MLIP: variants seen among roughly 807,000 people sequenced by gnomAD.
MLIP encodes the protein muscular LMNA interacting protein.
MLIP carries 79 observed loss-of-function variants against 84.8 expected under a neutral mutation model. The observed-to-expected ratio is 0.93, with a 90% CI of 0.78 to 1.12. The LOEUF (loss-of-function observed/expected upper bound fraction) is 1.12, where lower values mean the gene tolerates loss of function less well. Ranked by LOEUF, MLIP falls within the 50% of genes most tolerant of loss-of-function variation. The pLI is 0.00. For synonymous variants in MLIP, 504 were observed against 463.0 expected, an observed-to-expected ratio of 1.09 and a Z score of -1.14; for missense variants, 1,257 against 1,160.6, an observed-to-expected ratio of 1.08 and a Z score of -1.21.
chr6:54,188,647 G>A (rs1221285901), intron 9 of MLIP, among the ~76,000 whole-genome samples: 3 of 151,974 alleles, frequency 2.0e-5, no homozygotes, highest in Non-Finnish European at 4.4e-5. Context: ...ATCATTGTGT[G>A]GCACATTACT....
intron 1 of MLIP, among the ~76,000 whole-genome samples, chr6:54,101,100 A>C (rs1006590470): frequency 3.3e-5 from 5 of 152,156 alleles, no homozygotes; most frequent in African/African-American, 1.2e-4. Context: ...ACTGATTGTC[A>C]TGTAACTTCT....
Position 54,124,658 on chromosome 6 carries a change from C to G in MLIP, c.438C>G (p.Ser146=). 1 of 1,614,126 alleles carries G rather than the reference C, an allele frequency of 6.2e-7. No homozygotes were observed. The highest frequency in any genetic ancestry group is 8.5e-7 in the Non-Finnish European group (1 of 1,180,016). ...CTGAATATGTCCTTATTGTGGACTC[C>G]GAAGGGGAAGATGAGGCTGCAAGCA... is the stretch of plus-strand genomic sequence containing the variant. ...FKAEYVLIVD[S]EGEDEAASRK... The change falls in exon 3 of 14, where the codon TCC becomes TCG. Residue 146 remains serine, a synonymous_variant. Transcript: ENST00000502396.
chr6:54,177,689 A>G (rs1180396887), intron 9 of MLIP, among the ~76,000 whole-genome samples: 1 of 152,214 alleles, frequency 6.6e-6, no homozygotes, highest in Non-Finnish European at 1.5e-5. Context: ...CAATCCCATT[A>G]CTGGGTATAT....
chr6:54,121,672 T>C (rs1561950417), intron 2 of MLIP, 70 bp downstream of exon 2: 1 of 1,195,672 alleles, frequency 8.4e-7, no homozygotes, highest in Non-Finnish European at 1.1e-6. Flanking sequence ...GACTTGGAAA[T>C]TTGTGTATAT....
At chr6:54,105,701 A>T (rs1433477797) in intron 1 of MLIP, among the ~76,000 whole-genome samples, 1 of 152,150 alleles carries the variant, frequency 6.6e-6, no homozygotes, top group South Asian at 2.1e-4. Context: ...GCAATTTTAT[A>T]TAAGGTGGTA....
intron 12 of MLIP, among the ~76,000 whole-genome samples, chr6:54,249,218 A>G (rs1033070636): frequency 1.3e-4 from 20 of 152,066 alleles, no homozygotes; most frequent in African/African-American, 4.8e-4. Flanking sequence ...ACTGAAACTC[A>G]TCTATTTAGG....
At chr6:54,165,105 T>G (rs1278403260) in intron 8 of MLIP, among the ~76,000 whole-genome samples, 1 of 151,978 alleles carries the variant, frequency 6.6e-6, no homozygotes, top group Non-Finnish European at 1.5e-5. Context: ...ATATGCCTGG[T>G]GCCTGGGGTG....
At chr6:54,265,843 AT>A (rs1209529791) in intron 13 of MLIP, 106 bp from the exon 14 acceptor site, 19 of 1,045,252 alleles carry the variant, frequency 1.8e-5, no homozygotes, top group Admixed American at 2.2e-5. Context: ...AGTATAAACC[AT>A]TTTTTTGTAG....
chr6:54,205,657 G>A (rs1382824220), intron 11 of MLIP, among the ~76,000 whole-genome samples: 1 of 152,152 alleles, frequency 6.6e-6, no homozygotes, highest in African/African-American at 2.4e-5. Flanking sequence ...CAGCTGCTGA[G>A]TTCTAACAGC....
intron 1 of MLIP, among the ~76,000 whole-genome samples, chr6:54,040,792 T>C (rs1764700354): frequency 1.3e-5 from 2 of 152,188 alleles, no homozygotes; most frequent in East Asian, 1.9e-4. Context: ...GAGGCCATTA[T>C]CCTAATAGAA....
intron 12 of MLIP, among the ~76,000 whole-genome samples, chr6:54,241,358 T>C (rs948671245): frequency 1.3e-5 from 2 of 151,974 alleles, no homozygotes; most frequent in Non-Finnish European, 2.9e-5. Flanking sequence ...GTATATTAGC[T>C]TAGGATTTTT....
chr6:54,202,054 T>A lies in MLIP; in HGVS notation c.2590-51T>A. On this transcript the variant is annotated intron_variant, in intron 10 of 13. Transcript: ENST00000502396. ...TTAACAATAAACATATTTGTTCATT[T>A]TAATAGTGTTTTTTTCCTGTTTTTA... 2.3e-6 allele frequency: 3 copies of A among 1,325,252 alleles called. No homozygotes were observed. In the African/African-American group the frequency reaches 4.5e-5, roughly 20 times the overall value. The allele number at this position is 1,325,252 out of a possible 1,614,324, so 82.1% of individuals were successfully genotyped here.
intron 9 of MLIP, among the ~76,000 whole-genome samples, chr6:54,186,900 C>T (rs1349917113): frequency 1.3e-5 from 2 of 152,078 alleles, no homozygotes. Flanking sequence ...CCCTAGGTGC[C>T]AGGACCCGAG....
At chr6:54,263,407 A>G (rs1385446511) in intron 13 of MLIP, among the ~76,000 whole-genome samples, 1 of 152,092 alleles carries the variant, frequency 6.6e-6, no homozygotes, top group African/African-American at 2.4e-5. Flanking sequence ...CAATAGTTAC[A>G]TAAATGCACA....
At chr6:54,199,592 G>T (rs1778532535) in intron 10 of MLIP, among the ~76,000 whole-genome samples, 1 of 152,036 alleles carries the variant, frequency 6.6e-6, no homozygotes, top group South Asian at 2.1e-4. Context: ...GTTTGTGGAG[G>T]GTGCATGAGG....
rs1442703284 is a variant in MLIP, at chr6:54,090,380, G to A, written c.64-31067G>A. Among the ~76,000 whole-genome samples, 3 of 152,116 alleles carry A rather than the reference G, an allele frequency of 2.0e-5. No homozygotes were observed. In the East Asian group the frequency reaches 5.8e-4, roughly 29 times the overall value. The stretch of plus-strand genomic sequence containing the variant: ...ACTTTGTTAGACTCTACTAAACTTA[G>A]AAATTACTTAGTTTTTCCCAGGAAG... On this transcript the variant is annotated intron_variant, in intron 1 of 12. Transcript: ENST00000274897.
intron 4 of MLIP, among the ~76,000 whole-genome samples, chr6:54,143,801 A>G (rs1772538123): frequency 6.6e-6 from 1 of 152,180 alleles, no homozygotes; most frequent in Non-Finnish European, 1.5e-5. Context: ...CAAGTCAACA[A>G]ATATTTGCTG....
intron 1 of MLIP, 72 bp downstream of exon 1, chr6:54,111,647 G>T (rs939317531): frequency 2.7e-6 from 4 of 1,459,632 alleles, no homozygotes; most frequent in Non-Finnish European, 3.7e-6. Context: ...GGTATTTGCT[G>T]CAAGGATGTG....
chr6:54,161,397 A>G (rs1774624738), intron 8 of MLIP, among the ~76,000 whole-genome samples: 1 of 151,902 alleles, frequency 6.6e-6, no homozygotes, highest in African/African-American at 2.4e-5. Context: ...TTGAGTATGT[A>G]TTTCCTTCTT....
Sources: allele counts gnomAD v4.1 joint callset (sites outside exome capture counted in the v4.1 genomes callset), GRCh38; gene constraint gnomAD v4.1.1; transcripts MANE v1.5; gene names NCBI Gene and HGNC (gene_info 2026-07-23, HGNC 2026-07-21).